Variants in LIN52 observed in about 807,000 individuals in gnomAD.
LIN52 encodes the protein lin-52 DREAM MuvB core complex component, also known as protein lin-52 homolog.
In LIN52, 4 loss-of-function variants were observed where a neutral mutation model predicts 18.5. That is an observed-to-expected ratio of 0.22 (90% CI 0.11 to 0.49). LIN52 has a LOEUF of 0.49. Among genes scored for constraint, LIN52 ranks in the 20% least tolerant of loss-of-function variants. The pLI, the probability that LIN52 is intolerant of heterozygous loss-of-function variation, is 0.97. For synonymous variants in LIN52, 34 were observed against 45.5 expected, an observed-to-expected ratio of 0.75 and a Z score of 1.02; for missense variants, 102 against 139.5, an observed-to-expected ratio of 0.73 and a Z score of 1.35.
Position 74,171,736 on chromosome 14 carries a change from C to CTTTTT in LIN52, c.284-27170_284-27166dup, listed in dbSNP as rs534860812. On this transcript the variant is annotated intron_variant, in intron 5 of 5. Coordinates refer to ENST00000555028, the MANE Select transcript of LIN52 (RefSeq NM_001024674.3). ...CTGTCTTCATTTTAATATTTTAATT[C>CTTTTT]TTTTTTTTTTTTTTTTTTTTGAGAC... Among the ~76,000 whole-genome samples the CTTTTT allele has an allele frequency of 2.0e-3, 248 of 122,638 alleles. 5 individuals carry two copies. The highest frequency in any genetic ancestry group is 3.2e-3 in the African/African-American group (99 of 30,772). The allele number at this position is 122,638 out of a possible 152,430, so 80.5% of individuals were successfully genotyped here.
rs562109609 is a variant in LIN52 at position 74,191,204 on chromosome 14, T to C, written c.284-7718T>C. 2.6e-5 allele frequency among the ~76,000 whole-genome samples: 4 copies of C among 152,370 alleles called. No homozygotes were observed. The East Asian group carries it at 5.8e-4, about 22-fold the overall frequency. On this transcript the variant is annotated intron_variant, in intron 5 of 5. Transcript: ENST00000555028. ...ATTATAAATCACATTGCTCTCTTTT[T>C]GTTCTCTGCCAATCCACCAGAATAC...
chr14:74,189,427 A>G (rs1395637777), intron 5 of LIN52, among the ~76,000 whole-genome samples: 1 of 152,220 alleles, frequency 6.6e-6, no homozygotes, highest in African/African-American at 2.4e-5. Flanking sequence ...AAACCAAGTA[A>G]AACTATGAAA....
chr14:74,129,440 T>A (rs1427878359), intron 5 of LIN52, among the ~76,000 whole-genome samples: 1 of 152,132 alleles, frequency 6.6e-6, no homozygotes, highest in Admixed American at 6.5e-5. Flanking sequence ...GAGAGCTACT[T>A]TGTCTACTCT....
At chr14:74,180,472 G>GT (rs1489269543) in intron 5 of LIN52, among the ~76,000 whole-genome samples, 1 of 151,130 alleles carries the variant, frequency 6.6e-6, no homozygotes, top group Non-Finnish European at 1.5e-5. Flanking sequence ...GGGTTTCACC[G>GT]TGGTCTCGAT....
At chr14:74,179,526 G>A (rs1014630567) in intron 5 of LIN52, among the ~76,000 whole-genome samples, 6 of 151,956 alleles carry the variant, frequency 3.9e-5, no homozygotes, top group Admixed American at 2.6e-4. Flanking sequence ...GTGCGTGGTG[G>A]CACATGCCTG....
chr14:74,089,153 C>T (rs1450635488), intron 1 of LIN52, among the ~76,000 whole-genome samples: 1 of 151,900 alleles, frequency 6.6e-6, no homozygotes, highest in Non-Finnish European at 1.5e-5. Flanking sequence ...AGTGATGGTT[C>T]CTTGGGTTAT....
chr14:74,137,462 G>A (rs2061103944), intron 5 of LIN52, among the ~76,000 whole-genome samples: 2 of 148,156 alleles, frequency 1.3e-5, no homozygotes, highest in South Asian at 4.3e-4. Flanking sequence ...TTCTTGATAA[G>A]AGAACATTGA....
At chr14:74,087,014 T>G (rs2060737263) in intron 1 of LIN52, among the ~76,000 whole-genome samples, 1 of 152,240 alleles carries the variant, frequency 6.6e-6, no homozygotes, top group African/African-American at 2.4e-5. Context: ...ATTTTTAAAT[T>G]GTTTTTACAA....
chr14:74,112,010 A>G (rs1425114736), intron 5 of LIN52, among the ~76,000 whole-genome samples: 2 of 151,728 alleles, frequency 1.3e-5, no homozygotes, highest in Non-Finnish European at 2.9e-5. Flanking sequence ...CCTCCCGAGT[A>G]ACTGGGATTA....
At chr14:74,190,644 G>A (rs764850991) in intron 5 of LIN52, among the ~76,000 whole-genome samples, 17 of 151,918 alleles carry the variant, frequency 1.1e-4, no homozygotes, top group South Asian at 2.1e-4. Flanking sequence ...TGGCTGTCTC[G>A]ACCTCCCAAA....
intron 5 of LIN52, among the ~76,000 whole-genome samples, chr14:74,149,289 T>C (rs1037971625): frequency 6.6e-6 from 1 of 152,208 alleles, no homozygotes; most frequent in Non-Finnish European, 1.5e-5. Flanking sequence ...AACCCTCAGC[T>C]ACATAAGGAC....
intron 5 of LIN52, among the ~76,000 whole-genome samples, chr14:74,125,965 C>G (rs1045705939): frequency 2.7e-5 from 4 of 150,402 alleles, no homozygotes; most frequent in African/African-American, 9.8e-5. Context: ...GTGCAGCACA[C>G]CAACATGGCA....
intron 5 of LIN52, among the ~76,000 whole-genome samples, chr14:74,129,585 G>A (rs543429420): frequency 6.6e-5 from 10 of 152,290 alleles, no homozygotes; most frequent in African/African-American, 2.4e-4. Flanking sequence ...GGGCACAGTG[G>A]CTCACACCTG....
At chr14:74,088,726 A>T (rs1357904111) in intron 1 of LIN52, among the ~76,000 whole-genome samples, 1 of 152,188 alleles carries the variant, frequency 6.6e-6, no homozygotes, top group Non-Finnish European at 1.5e-5. Context: ...TTTTCTGGGG[A>T]GTGAGTTCAT....
chr14:74,174,664 G>A (rs559954355), intron 5 of LIN52: 3 of 152,106 alleles, frequency 2.0e-5, no homozygotes, highest in African/African-American at 7.2e-5. Flanking sequence ...GAAACTGAAG[G>A]TCAGAACTCG....
At position 74,116,835 on chromosome 14, in the gene LIN52, T is replaced by G. The variant is rs539806485; in HGVS notation, c.283+15597T>G. Among the ~76,000 whole-genome samples the G allele has an allele frequency of 1.2e-3, 180 of 151,642 alleles. 8 individuals are homozygous for G. In the South Asian group the frequency reaches 0.033, roughly 28 times the overall value. On this transcript the variant is annotated intron_variant, in intron 5 of 5. Coordinates refer to ENST00000555028, the MANE Select transcript of LIN52 (RefSeq NM_001024674.3). Reference sequence around the variant, plus strand: ...CATACAATTTTACAGCAGGTGTTTTTTTTTTTTTTTCTTTTGAGAGCATGG... The same window carrying G: ...CATACAATTTTACAGCAGGTGTTTTGTTTTTTTTTTCTTTTGAGAGCATGG...
At chr14:74,098,973 AT>A (rs1566846004) in intron 4 of LIN52, among the ~76,000 whole-genome samples, 1 of 152,076 alleles carries the variant, frequency 6.6e-6, no homozygotes, top group Non-Finnish European at 1.5e-5. Flanking sequence ...CCTATTTTTT[AT>A]TTTTTTATCC....
chr14:74,143,232 A>G (rs946521702), intron 5 of LIN52, among the ~76,000 whole-genome samples: 2 of 152,198 alleles, frequency 1.3e-5, no homozygotes, highest in South Asian at 4.1e-4. Context: ...TCTGTGTTCT[A>G]TACTCTCCTA....
At chr14:74,148,176 T>C (rs2061161571) in intron 5 of LIN52, among the ~76,000 whole-genome samples, 1 of 152,126 alleles carries the variant, frequency 6.6e-6, no homozygotes, top group African/African-American at 2.4e-5. Flanking sequence ...AATTCATGAA[T>C]AAGTCCCTTC....
Sources: allele counts gnomAD v4.1 joint callset (sites outside exome capture counted in the v4.1 genomes callset), GRCh38; gene constraint gnomAD v4.1.1; transcripts MANE v1.5; gene names NCBI Gene and HGNC (gene_info 2026-07-23, HGNC 2026-07-21).